The following LRFN5 variants were observed in gnomAD, a reference collection of about 807,000 sequenced individuals.
LRFN5 encodes the protein leucine-rich repeat and fibronectin type-III domain-containing protein 5.
A neutral mutation model predicts 45.6 loss-of-function variants in LRFN5; 24 were observed. That is an observed-to-expected ratio of 0.53 (90% CI 0.38 to 0.74). LRFN5 has a LOEUF of 0.74. Ranked by LOEUF, LRFN5 falls within the 30% of genes least tolerant of loss-of-function variation. LRFN5 has a pLI of 0.00. For missense variants in LRFN5, 776 were observed against 861.5 expected (o/e 0.90, Z 1.24); for synonymous variants, 340 against 313.8 (o/e 1.08, Z -0.88).
intron 2 of LRFN5, among the ~76,000 whole-genome samples, chr14:41,789,936 T>C (rs1479597040): frequency 6.6e-6 from 1 of 151,988 alleles, no homozygotes; most frequent in Non-Finnish European, 1.5e-5. Context: ...TTTTCTACTT[T>C]CAAGGTTATG....
intron 2 of LRFN5, among the ~76,000 whole-genome samples, chr14:41,878,229 A>G (rs1274651624): frequency 6.6e-6 from 1 of 152,102 alleles, no homozygotes; most frequent in South Asian, 2.1e-4. Flanking sequence ...TCCTGCAAAA[A>G]CTCATCAATA....
chr14:41,871,448 G>A (rs1347881414), intron 2 of LRFN5, among the ~76,000 whole-genome samples: 1 of 151,936 alleles, frequency 6.6e-6, no homozygotes, highest in East Asian at 1.9e-4. Flanking sequence ...AATTAGTTGG[G>A]CATGGTGGTG....
intron 2 of LRFN5, among the ~76,000 whole-genome samples, chr14:41,799,914 G>T (rs892117956): frequency 2.0e-5 from 3 of 151,466 alleles, no homozygotes; most frequent in African/African-American, 7.3e-5. Context: ...CTATGAATTA[G>T]AGTCAATGGA....
intron 1 of LRFN5, among the ~76,000 whole-genome samples, chr14:41,663,676 C>G (rs1306901507): frequency 1.3e-5 from 2 of 151,882 alleles, no homozygotes; most frequent in East Asian, 3.9e-4. Context: ...TCCTGGCAGC[C>G]CATACTTAGT....
chr14:41,859,723 A>C (rs899426381), intron 2 of LRFN5, among the ~76,000 whole-genome samples: 2 of 152,242 alleles, frequency 1.3e-5, no homozygotes, highest in African/African-American at 4.8e-5. Flanking sequence ...ATTCTGGCAC[A>C]GATTAAGAGA....
At chr14:41,723,287 A>C (rs970883631) in intron 1 of LRFN5, among the ~76,000 whole-genome samples, 3 of 152,166 alleles carry the variant, frequency 2.0e-5, no homozygotes, top group African/African-American at 7.2e-5. Flanking sequence ...GAGCAAGGCA[A>C]GCAGGTGCTT....
At chr14:41,673,651 G>T (rs1340122447) in intron 1 of LRFN5, among the ~76,000 whole-genome samples, 2 of 147,710 alleles carry the variant, frequency 1.4e-5, no homozygotes, top group Admixed American at 1.3e-4. Context: ...CCCGGACGGG[G>T]CAGCTGGCCG....
At chr14:41,739,305 A>G (rs570033959) in intron 1 of LRFN5, among the ~76,000 whole-genome samples, 1 of 152,186 alleles carries the variant, frequency 6.6e-6, no homozygotes, top group African/African-American at 2.4e-5. Flanking sequence ...AGATTGTTTG[A>G]GCTTGGCTCA....
chr14:41,805,635 A>G (rs541692943), intron 2 of LRFN5, among the ~76,000 whole-genome samples: 1 of 148,888 alleles, frequency 6.7e-6, no homozygotes, highest in South Asian at 2.1e-4. Context: ...ATTCCCACCT[A>G]TGAGTGAGAA....
intron 3 of LRFN5, among the ~76,000 whole-genome samples, chr14:41,888,633 GT>G (rs1890664827): frequency 6.6e-6 from 1 of 152,050 alleles, no homozygotes; most frequent in South Asian, 2.1e-4. Flanking sequence ...AGGGGTATGT[GT>G]GCGTGTGTCT....
intron 1 of LRFN5, among the ~76,000 whole-genome samples, chr14:41,694,867 G>T (rs1417337853): frequency 6.6e-6 from 1 of 151,654 alleles, no homozygotes; most frequent in African/African-American, 2.4e-5. Flanking sequence ...CTCTACAATG[G>T]CCACTAAGTG....
At chr14:41,853,108 C>G (rs1594466597) in intron 2 of LRFN5, among the ~76,000 whole-genome samples, 2 of 151,900 alleles carry the variant, frequency 1.3e-5, no homozygotes, top group Non-Finnish European at 1.5e-5. Flanking sequence ...ATTATCACAG[C>G]GTTCTTGAAT....
At chr14:41,903,079 G>A (rs1394547839) in intron 5 of LRFN5, among the ~76,000 whole-genome samples, 1 of 151,396 alleles carries the variant, frequency 6.6e-6, no homozygotes, top group African/African-American at 2.4e-5. Context: ...CATATATGGT[G>A]TATTTCTTAT....
intron 1 of LRFN5, among the ~76,000 whole-genome samples, chr14:41,634,069 C>T (rs1888644080): frequency 6.6e-6 from 1 of 152,040 alleles, no homozygotes; most frequent in Non-Finnish European, 1.5e-5. Flanking sequence ...ATAAGTTATT[C>T]TCATTAGCTT....
chr14:41,783,381 T>C (rs1886604388), intron 2 of LRFN5, among the ~76,000 whole-genome samples: 1 of 152,056 alleles, frequency 6.6e-6, no homozygotes, highest in Admixed American at 6.6e-5. Flanking sequence ...TGTGCCTGAG[T>C]CTCCAGATTT....
At chr14:41,894,235 T>C (rs1890869834) in intron 4 of LRFN5, 8 of 984,220 alleles carry the variant, frequency 8.1e-6, no homozygotes, top group Non-Finnish European at 9.7e-6. Flanking sequence ...ATATGTACTA[T>C]AAGTTACTGA....
chr14:41,667,555 C>A (rs374711542), intron 1 of LRFN5, among the ~76,000 whole-genome samples: 2 of 152,134 alleles, frequency 1.3e-5, no homozygotes, highest in Non-Finnish European at 2.9e-5. Context: ...CTGGTGTCCA[C>A]GCTCCTGCCC....
chr14:41,672,916 T>A (rs1205831752), intron 1 of LRFN5, among the ~76,000 whole-genome samples: 1 of 152,172 alleles, frequency 6.6e-6, no homozygotes, highest in Non-Finnish European at 1.5e-5. Context: ...AATATACAAT[T>A]TAATCAACAC....
intron 2 of LRFN5, among the ~76,000 whole-genome samples, chr14:41,861,137 T>A (rs1353948274): frequency 6.6e-6 from 1 of 152,184 alleles, no homozygotes; most frequent in Non-Finnish European, 1.5e-5. Flanking sequence ...AGAAAGCACA[T>A]TTCTCTTAGG....
Sources: gnomAD v4.1 joint callset for allele counts (sites outside exome capture counted in the v4.1 genomes callset) on GRCh38, gnomAD v4.1.1 for gene constraint, MANE v1.5 for transcripts, NCBI Gene and HGNC (gene_info 2026-07-23, HGNC 2026-07-21) for gene names.